The following CCNL1 variants were observed in gnomAD, a reference collection of about 807,000 sequenced individuals.
CCNL1 encodes cyclin-L1.
In CCNL1, 13 loss-of-function variants were observed where a neutral mutation model predicts 60.6. The observed-to-expected ratio is 0.21, with a 90% CI of 0.14 to 0.34. The LOEUF is 0.34. Among genes scored for constraint, CCNL1 ranks in the 10% least tolerant of loss-of-function variants. The probability of loss-of-function intolerance (pLI) is 1.00; values close to 1 mark genes in which losing one functional copy is unlikely to be tolerated. For synonymous variants in CCNL1, 270 were observed against 244.3 expected (o/e 1.10, Z -0.98); for missense variants, 481 against 664.3 (o/e 0.72, Z 3.03).
intron 2 of CCNL1, 135 bp downstream of exon 2, chr3:157,159,270 C>T: frequency 1.3e-6 from 1 of 773,822 alleles, no homozygotes; most frequent in Non-Finnish European, 2.1e-6. Context: ...GTTTCCACTT[C>T]CTGGCGAGTG....
intron 5 of CCNL1, chr3:157,151,133 T>A (rs912713106): frequency 1.0e-6 from 1 of 984,806 alleles, no homozygotes; most frequent in African/African-American, 1.7e-5. Flanking sequence ...AGAACTGCTA[T>A]AATCCATTTT....
rs1304058798 is a variant in CCNL1 at position 157,152,706 on chromosome 3, C to T, written c.609+330G>A. 5 of 1,125,268 alleles carry T rather than the reference C, an allele frequency of 4.4e-6. No individual in the cohort carries two copies. The African/African-American group carries it at 8.4e-5, about 19-fold the overall frequency. The allele number at this position is 1,125,268 out of a possible 1,614,324, so 69.7% of individuals were successfully genotyped here. The stretch of plus-strand genomic sequence containing the variant: ...ACTATGATGATAAGTGTGCCAGATA[C>T]TTTTGTAGCTACACATTTATTCCTT... On this transcript the variant is annotated intron_variant, in intron 4 of 10. Transcript: ENST00000295926.
chr3:157,154,949 CAT>C (rs1177957527), intron 3 of CCNL1, among the ~76,000 whole-genome samples: 1 of 152,010 alleles, frequency 6.6e-6, no homozygotes, highest in Non-Finnish European at 1.5e-5. Flanking sequence ...TACATACATA[CAT>C]ACATACATAC....
chr3:157,149,857 A>C lies in CCNL1; in HGVS notation c.1000T>G (p.Phe334Val). Reference sequence around the variant, plus strand: ...TTACATGGCTTGGAGGCTGGAGAAAATCCACCCAGGGTTGAAAGGGCTGGA... The same window carrying C: ...TTACATGGCTTGGAGGCTGGAGAAACTCCACCCAGGGTTGAAAGGGCTGGA... ...GTPALSTLGGFSPASKPSSPR... is the reference protein window; with the variant it reads ...GTPALSTLGGVSPASKPSSPR... Residue 334 changes from phenylalanine to valine, a missense_variant, in exon 8 of 11, where the codon TTT (phenylalanine) becomes GTT (valine). By Grantham distance (50) the Phe-to-Val change is conservative. Transcript: ENST00000295926. 6 of 1,613,992 alleles carry C rather than the reference A, an allele frequency of 3.7e-6. No individual in the cohort carries two copies. The highest frequency in any genetic ancestry group is 5.1e-6 in the Non-Finnish European group (6 of 1,179,958).
At position 157,148,232 on chromosome 3, in the gene CCNL1, AAGAG is replaced by A; in HGVS notation, c.*5_*8del. On this transcript the variant is annotated 3_prime_UTR_variant, in exon 11 of 11. Transcript: ENST00000295926. ...CCAAGAACTGATGCAGGCTCAAAGGAAGAGAAAGTCAGCGCCTGTGCCTGCCATG... is the reference window on the plus strand; with the variant it reads ...CCAAGAACTGATGCAGGCTCAAAGGAAAAGTCAGCGCCTGTGCCTGCCATG... The A allele has an allele frequency of 6.2e-7, 1 of 1,608,806 alleles. No homozygotes were observed. The highest frequency in any genetic ancestry group is 8.5e-7 in the Non-Finnish European group (1 of 1,176,730).
intron 2 of CCNL1, 46 bp downstream of exon 2, chr3:157,159,359 A>G (rs1209421654): frequency 6.3e-7 from 1 of 1,584,616 alleles, no homozygotes; most frequent in Non-Finnish European, 8.7e-7. Context: ...TACTCTGCCC[A>G]TTTCCGGATG....
At chr3:157,144,248 TGTACTA>T (rs1187414377), downstream of CCNL1, among the ~76,000 whole-genome samples, 10 of 152,366 alleles carry the variant, frequency 6.6e-5, no homozygotes, top group South Asian at 4.1e-4. Flanking sequence ...TTGAAGATAT[TGTACTA>T]GTATTAGTTA....
intron 10 of CCNL1, chr3:157,148,807 T>A (rs1030205771): frequency 5.0e-5 from 26 of 525,124 alleles, no homozygotes; most frequent in African/African-American, 4.4e-4. Flanking sequence ...CCAAGGGGAG[T>A]AATTAGCAAT....
Position 157,149,990 on chromosome 3 carries a change from A to C in CCNL1, c.880-13T>G, listed in dbSNP as rs763145355. 48 of 1,611,618 alleles carry C rather than the reference A, an allele frequency of 3.0e-5. No individual in the cohort carries two copies. The highest frequency in any genetic ancestry group is 4.0e-5 in the Non-Finnish European group (47 of 1,179,494). The stretch of plus-strand genomic sequence containing the variant: ...ATTCATAGTTTGGCTGTTGGAGGAA[A>C]AAAAAGTTAGTATTTCTTCCTTAGA... On this transcript the variant is annotated splice_polypyrimidine_tract_variant and intron_variant, in intron 7 of 10. Transcript: ENST00000295926.
chr3:157,159,954 G>A lies in CCNL1; in HGVS notation c.141C>T (p.Tyr47=), dbSNP rs760020850. The change falls in exon 1 of 11, where the codon TAC becomes TAT. Residue 47 remains tyrosine, a synonymous_variant. Transcript: ENST00000295926. ...GGTCGATGGTAAGTGAAACTTCCGA[G>A]TACAGGCGATCGCCGATCAGGATCC... The part of the protein sequence containing the change: ...TGGILIGDRL[Y]SEVSLTIDHS... 11 of 1,600,944 alleles carry A rather than the reference G, an allele frequency of 6.9e-6. No homozygotes were observed. Among genetic ancestry groups the A allele is most frequent in the Non-Finnish European group, 9.4e-6 (11 of 1,173,742 alleles).
At chr3:157,152,277 C>G in intron 4 of CCNL1, 36 bp from the exon 5 acceptor site, 3 of 1,584,854 alleles carry the variant, frequency 1.9e-6, no homozygotes, top group Non-Finnish European at 2.6e-6. Context: ...ATTCAGTATA[C>G]TGGTAGTTCT....
rs200191417 is a variant in CCNL1 at position 157,149,546 on chromosome 3, C to T, written c.1072G>A (p.Val358Met). 1.9e-6 allele frequency: 3 copies of T among 1,614,052 alleles called. No homozygotes were observed. Among genetic ancestry groups the T allele is most frequent in the Non-Finnish European group, 2.5e-6 (3 of 1,179,978 alleles). ...AEEKSPISIN[V>M]KTVKKEPEDR... ...TCAGGTTCTTTTTTGACTGTCTTCA[C>T]ATTAATGGAGATTGGTGATTTCTCT... is the stretch of plus-strand genomic sequence containing the variant. The change falls in exon 9 of 11, where the codon GTG becomes ATG. Residue 358 changes from valine (V) to methionine (M), a missense_variant. Val to Met is a conservative substitution (Grantham distance 21). This residue lies in a region of CCNL1 where 197 missense variants were observed against 233.9 expected (regional missense o/e 0.84). Coordinates refer to ENST00000295926, the MANE Select transcript of CCNL1 (RefSeq NM_020307.4).
chr3:157,151,329 T>A, intron 5 of CCNL1: 1 of 985,830 alleles, frequency 1.0e-6, no homozygotes, highest in Non-Finnish European at 1.2e-6. Context: ...ACAGTAGTTG[T>A]GGCTGAACCA....
At chr3:157,152,075 CCAAA>C (rs1738237818) in intron 5 of CCNL1, 98 bp downstream of exon 5, 3 of 1,527,136 alleles carry the variant, frequency 2.0e-6, no homozygotes, top group South Asian at 1.3e-5. Context: ...ACGAAAAGCC[CCAAA>C]CAAACTTATC....
At chr3:157,159,623 C>G (rs749715849) in intron 1 of CCNL1, 144 bp from the exon 2 acceptor site, 3 of 993,650 alleles carry the variant, frequency 3.0e-6, no homozygotes, top group South Asian at 1.7e-5. Flanking sequence ...GTCCTCCCTC[C>G]GCCTCCGCAG....
chr3:157,152,629 A>G (rs1699624146), intron 4 of CCNL1: 1 of 1,070,874 alleles, frequency 9.3e-7, no homozygotes, highest in African/African-American at 1.7e-5. Context: ...GTTGGGAGAA[A>G]CAAATTTCCA....
downstream of CCNL1, among the ~76,000 whole-genome samples, chr3:157,145,886 T>C (rs1737771226): frequency 6.6e-6 from 1 of 152,138 alleles, no homozygotes; most frequent in Non-Finnish European, 1.5e-5. Flanking sequence ...AAGTAAGAAA[T>C]ATGGAGAGGC....
chr3:157,146,195 T>G (rs1310511065), downstream of CCNL1, among the ~76,000 whole-genome samples: 2 of 152,040 alleles, frequency 1.3e-5, no homozygotes, highest in Non-Finnish European at 2.9e-5. Flanking sequence ...TTATTGGTAT[T>G]GCACAACTTT....
Position 157,147,918 on chromosome 3 carries a change from T to G in CCNL1, c.*323A>C. 8.6e-6 allele frequency: 9 copies of G among 1,045,534 alleles called. No homozygotes were observed. Among genetic ancestry groups the G allele is most frequent in the Non-Finnish European group, 1.0e-5 (9 of 869,432 alleles). The allele number at this position is 1,045,534 out of a possible 1,614,324, so 64.8% of individuals were successfully genotyped here. ...ATAACCACTTAAATAGAACAGTGTC[T>G]GCAATTTTATCTGTATAAAAATAAG... On this transcript the variant is annotated 3_prime_UTR_variant, in exon 11 of 11. Coordinates refer to ENST00000295926, the MANE Select transcript of CCNL1 (RefSeq NM_020307.4).
Sources: allele counts gnomAD v4.1 joint callset (sites outside exome capture counted in the v4.1 genomes callset), GRCh38; gene constraint gnomAD v4.1.1; regional missense constraint gnomAD v4.1.1; transcripts MANE v1.5; gene names NCBI Gene and HGNC (gene_info 2026-07-23, HGNC 2026-07-21).